SLC24A2: variants seen among roughly 807,000 people sequenced by gnomAD.
The protein encoded by SLC24A2 is solute carrier family 24 member 2.
SLC24A2 carries 36 observed loss-of-function variants against 62.0 expected under a neutral mutation model. The observed-to-expected ratio is 0.58, with a 90% confidence interval of 0.44 to 0.77. SLC24A2 has a LOEUF of 0.77. Ranked by LOEUF, SLC24A2 falls within the 30% of genes least tolerant of loss-of-function variation. SLC24A2 has a pLI of 0.00. For synonymous variants in SLC24A2, 358 were observed against 294.0 expected (o/e 1.22, Z -2.23); for missense variants, 846 against 817.9 (o/e 1.03, Z -0.42).
the SLC24A2 span, among the ~76,000 whole-genome samples, chr9:20,028,771 C>G: frequency 0.066 from 10,022 of 152,274 alleles, 497 homozygotes; most frequent in Non-Finnish European, 0.11. Context: ...TCCTTTGATT[C>G]CGGGCTTTGT....
chr9:19,772,100 G>A (rs1822707512), intron 2 of SLC24A2, among the ~76,000 whole-genome samples: 1 of 152,180 alleles, frequency 6.6e-6, no homozygotes, highest in African/African-American at 2.4e-5. Context: ...AAGTCTTTTA[G>A]ATAAGGCAGA....
chr9:20,068,297 C>T, the SLC24A2 span, among the ~76,000 whole-genome samples: 1 of 151,982 alleles, frequency 6.6e-6, no homozygotes, highest in Non-Finnish European at 1.5e-5. Context: ...CTCCTGACCT[C>T]GTAATCCACC....
chr9:19,785,965 T>C lies in SLC24A2; in HGVS notation c.902A>G (p.Lys301Arg), dbSNP rs1161943179. ...KQMINRNKVV[K>R]VTAPEAQAKP... ...TGCTTGGGCTTCTGGTGCTGTCACC[T>C]TGACGACCTTATTGCGGTTTATCAT... The change falls in exon 2 of 11, where the codon AAG (lysine) becomes AGG (arginine). Residue 301 changes from lysine (K) to arginine (R), a missense_variant. Physicochemically the swap from Lys to Arg is conservative, Grantham distance 26. Transcript: ENST00000341998. 1 of 1,614,126 alleles carries C rather than the reference T, an allele frequency of 6.2e-7. No homozygotes were observed. The highest frequency in any genetic ancestry group is 1.3e-5 in the African/African-American group (1 of 74,952).
the SLC24A2 span, among the ~76,000 whole-genome samples, chr9:20,014,310 G>C: frequency 6.6e-6 from 1 of 151,964 alleles, no homozygotes; most frequent in African/African-American, 2.4e-5. Context: ...ATTGTGAAAA[G>C]CAGTGTAGAC....
chr9:19,669,044 G>C (rs1398423703), intron 2 of SLC24A2, among the ~76,000 whole-genome samples: 2 of 152,152 alleles, frequency 1.3e-5, no homozygotes, highest in Non-Finnish European at 2.9e-5. Context: ...TTGAAGATAA[G>C]ATCTGATCAG....
At chr9:20,149,424 A>G in the SLC24A2 span, among the ~76,000 whole-genome samples, 4 of 151,994 alleles carry the variant, frequency 2.6e-5, no homozygotes, top group Admixed American at 6.6e-5. Context: ...TCAGGCAGCC[A>G]TATTGAAATG....
At chr9:19,707,298 T>G (rs1352927269) in intron 2 of SLC24A2, among the ~76,000 whole-genome samples, 2 of 151,506 alleles carry the variant, frequency 1.3e-5, no homozygotes, top group Non-Finnish European at 2.9e-5. Context: ...CAGGACCAGA[T>G]GGATTCACAG....
the SLC24A2 span, among the ~76,000 whole-genome samples, chr9:19,866,625 C>CTTTTTTTT: frequency 2.9e-5 from 2 of 68,188 alleles, no homozygotes; most frequent in East Asian, 5.5e-4. Context: ...CACGTTTTCA[C>CTTTTTTTT]TTTTTTTTTT....
At chr9:20,007,983 C>G in the SLC24A2 span, among the ~76,000 whole-genome samples, 8 of 142,874 alleles carry the variant, frequency 5.6e-5, no homozygotes, top group African/African-American at 2.1e-4. Flanking sequence ...GCAATACCCA[C>G]CTCCTGGGTT....
the SLC24A2 span, among the ~76,000 whole-genome samples, chr9:19,817,789 G>A: frequency 6.6e-6 from 1 of 151,978 alleles, no homozygotes. Context: ...GAGTGCAGTG[G>A]TACAACCATA....
At chr9:20,174,854 C>G in the SLC24A2 span, among the ~76,000 whole-genome samples, 2 of 151,828 alleles carry the variant, frequency 1.3e-5, no homozygotes, top group African/African-American at 4.8e-5. Context: ...TACTGGGTAT[C>G]CACCTAGAGG....
chr9:19,919,212 CG>C, the SLC24A2 span, among the ~76,000 whole-genome samples: 1 of 152,036 alleles, frequency 6.6e-6, no homozygotes, highest in East Asian at 1.9e-4. Context: ...GGCTTGCTCC[CG>C]GGGGGTTCAG....
chr9:20,032,078 G>A, the SLC24A2 span, among the ~76,000 whole-genome samples: 84 of 152,270 alleles, frequency 5.5e-4, 1 homozygote, highest in East Asian at 0.014. Context: ...GGGCTCCTAT[G>A]TATTTCCTAA....
chr9:19,544,396 G>A (rs548320223), intron 8 of SLC24A2, among the ~76,000 whole-genome samples: 1 of 152,022 alleles, frequency 6.6e-6, no homozygotes, highest in African/African-American at 2.4e-5. Context: ...TTGCCAGTCT[G>A]TGTCTTTTAA....
chr9:20,261,975 T>G, the SLC24A2 span, among the ~76,000 whole-genome samples: 1 of 152,192 alleles, frequency 6.6e-6, no homozygotes, highest in South Asian at 2.1e-4. Flanking sequence ...CCTGACCTCG[T>G]GATCCGCCTG....
the SLC24A2 span, among the ~76,000 whole-genome samples, chr9:20,076,771 C>T: frequency 5.3e-5 from 8 of 151,120 alleles, no homozygotes; most frequent in East Asian, 1.9e-4. Flanking sequence ...AGATTGTTTC[C>T]GTATCTTGAC....
chr9:19,588,405 T>C (rs772472477), intron 5 of SLC24A2, among the ~76,000 whole-genome samples: 1 of 152,108 alleles, frequency 6.6e-6, no homozygotes, highest in South Asian at 2.1e-4. Flanking sequence ...TCTCAGACTT[T>C]CTGTAGGGAT....
chr9:19,911,266 C>T, the SLC24A2 span, among the ~76,000 whole-genome samples: 17 of 152,082 alleles, frequency 1.1e-4, no homozygotes, highest in African/African-American at 3.4e-4. Context: ...TTTATGGCTG[C>T]ATAGTATTCC....
At chr9:19,544,676 C>T (rs887339657) in intron 8 of SLC24A2, among the ~76,000 whole-genome samples, 2 of 152,156 alleles carry the variant, frequency 1.3e-5, no homozygotes, top group African/African-American at 4.8e-5. Flanking sequence ...GTTTATTTCT[C>T]CTTCACTTAC....
Sources: allele counts gnomAD v4.1 joint callset (sites outside exome capture counted in the v4.1 genomes callset), GRCh38; gene constraint gnomAD v4.1.1; transcripts MANE v1.5; gene names NCBI Gene and HGNC (gene_info 2026-07-23, HGNC 2026-07-21).